ZC3H12B: variants seen among roughly 807,000 people sequenced by gnomAD.
ZC3H12B encodes the protein zinc finger CCCH-type containing 12B, also known as probable ribonuclease ZC3H12B.
ZC3H12B carries 7 observed loss-of-function variants against 43.9 expected under a neutral mutation model. The ratio of observed to expected loss-of-function variants is 0.16; its 90% CI spans 0.09 to 0.30. The LOEUF is 0.30. Ranked by LOEUF, ZC3H12B falls within the 10% of genes least tolerant of loss-of-function variation. The pLI, the probability that ZC3H12B is intolerant of heterozygous loss-of-function variation, is 1.00. For missense variants in ZC3H12B, 475 were observed against 670.2 expected, an observed-to-expected ratio of 0.71 and a Z score of 3.22; for synonymous variants, 222 against 241.7, an observed-to-expected ratio of 0.92 and a Z score of 0.76.
At chrX:65,140,573 T>A in the ZC3H12B span, among the ~76,000 whole-genome samples, 1 of 111,775 alleles carries the variant, frequency 8.9e-6, no homozygotes, top group African/African-American at 3.2e-5. Context: ...ATTCTTTTCT[T>A]CTGTCCACTG....
chrX:65,138,050 G>T, the ZC3H12B span, among the ~76,000 whole-genome samples: 1 of 111,684 alleles, frequency 9.0e-6, no homozygotes, highest in Non-Finnish European at 1.9e-5. Context: ...TGCTGGTCTT[G>T]AACTCCTGAC....
At chrX:65,304,693 A>G in the ZC3H12B span, among the ~76,000 whole-genome samples, 41 of 111,505 alleles carry the variant, frequency 3.7e-4, no homozygotes, top group Non-Finnish European at 2.5e-4. Context: ...CCCAGTCATT[A>G]ACCTAAATGT....
chrX:65,493,377 A>G (rs2068233250), intron 1 of ZC3H12B, among the ~76,000 whole-genome samples: 1 of 110,858 alleles, frequency 9.0e-6, no homozygotes, highest in Non-Finnish European at 1.9e-5. Flanking sequence ...AGTGAGACTC[A>G]GTCTGAAAAA....
At chrX:65,323,807 C>T in the ZC3H12B span, among the ~76,000 whole-genome samples, 4 of 112,130 alleles carry the variant, frequency 3.6e-5, no homozygotes, top group African/African-American at 1.3e-4. Flanking sequence ...TACACTCCCA[C>T]CAACAGTGTA....
chrX:65,252,317 G>A, the ZC3H12B span, among the ~76,000 whole-genome samples: 1 of 111,375 alleles, frequency 9.0e-6, no homozygotes, highest in Non-Finnish European at 1.9e-5. Context: ...GCTTTTTGAT[G>A]TGCTGCTGGA....
chrX:65,156,158 C>G, the ZC3H12B span, among the ~76,000 whole-genome samples: 2 of 110,824 alleles, frequency 1.8e-5, no homozygotes, highest in Non-Finnish European at 3.8e-5. Flanking sequence ...TGTACCTTTT[C>G]TTATTTTTAA....
At chrX:65,127,830 C>A in the ZC3H12B span, among the ~76,000 whole-genome samples, 3 of 110,862 alleles carry the variant, frequency 2.7e-5, no homozygotes, top group East Asian at 8.6e-4. Flanking sequence ...GGCCTCACCC[C>A]CCTCCCACAC....
chrX:65,358,747 G>A, the ZC3H12B span, among the ~76,000 whole-genome samples: 1 of 111,209 alleles, frequency 9.0e-6, no homozygotes, highest in Non-Finnish European at 1.9e-5. Flanking sequence ...ATCTAAAATC[G>A]ACACCCTAAC....
the ZC3H12B span, among the ~76,000 whole-genome samples, chrX:65,166,379 G>A: frequency 2.7e-5 from 3 of 111,290 alleles, no homozygotes; most frequent in South Asian, 7.6e-4. Context: ...TGAACTCATC[G>A]TTTTTTATGG....
At chrX:65,163,562 G>A in the ZC3H12B span, among the ~76,000 whole-genome samples, 2 of 111,582 alleles carry the variant, frequency 1.8e-5, no homozygotes, top group Non-Finnish European at 3.8e-5. Flanking sequence ...GTGGGCGTAG[G>A]ACCCTCTGAG....
the ZC3H12B span, among the ~76,000 whole-genome samples, chrX:65,054,176 C>A: frequency 2.7e-5 from 3 of 111,993 alleles, no homozygotes; most frequent in Non-Finnish European, 5.7e-5. Flanking sequence ...GACATGAAGT[C>A]CTTGCCCATG....
chrX:65,179,223 C>G, the ZC3H12B span, among the ~76,000 whole-genome samples: 2 of 107,454 alleles, frequency 1.9e-5, no homozygotes, highest in African/African-American at 6.8e-5. Context: ...CACATGGACA[C>G]AGGGAGGGGA....
the ZC3H12B span, among the ~76,000 whole-genome samples, chrX:65,159,243 C>T: frequency 4.3e-4 from 48 of 111,785 alleles, no homozygotes; most frequent in African/African-American, 1.5e-3. Flanking sequence ...TTAGCATTGA[C>T]TTGGCGATGC....
the ZC3H12B span, among the ~76,000 whole-genome samples, chrX:65,258,490 C>T: frequency 8.9e-6 from 1 of 111,846 alleles, no homozygotes. Context: ...TATAAGCATT[C>T]TCCTTGAAAA....
the ZC3H12B span, among the ~76,000 whole-genome samples, chrX:65,252,761 A>G: frequency 1.8e-5 from 2 of 112,112 alleles, no homozygotes; most frequent in Non-Finnish European, 3.8e-5. Flanking sequence ...TCAGTGATTT[A>G]AAGTACCCTG....
At chrX:65,407,719 C>G (rs959472310) in intron 3 of ZC3H12B, among the ~76,000 whole-genome samples, 1 of 113,648 alleles carries the variant, frequency 8.8e-6, no homozygotes, top group African/African-American at 3.2e-5. Context: ...GAGGGGAGTG[C>G]GGTCGGAGTC....
the ZC3H12B span, among the ~76,000 whole-genome samples, chrX:65,157,167 GAC>G: frequency 9.0e-6 from 1 of 110,553 alleles, no homozygotes; most frequent in Non-Finnish European, 1.9e-5. Flanking sequence ...TTTTTGTAGA[GAC>G]AGAGTTTTGC....
At chrX:65,334,216 C>T in the ZC3H12B span, among the ~76,000 whole-genome samples, 2 of 111,852 alleles carry the variant, frequency 1.8e-5, no homozygotes, top group African/African-American at 3.2e-5. Flanking sequence ...CAGGAAACCC[C>T]GTTGTGCTTT....
chrX:65,371,220 C>T lies in ZC3H12B; in HGVS notation n.295+2222C>T, dbSNP rs758187294. On this transcript the variant is annotated intron_variant and non_coding_transcript_variant, in intron 2 of 5. Transcript: ENST00000617377. ...CATTCACTTACATTAATAGCTTTATCGGAGGTAGAATTAGCATAATCCTTT... is the reference window on the plus strand; with the variant it reads ...CATTCACTTACATTAATAGCTTTATTGGAGGTAGAATTAGCATAATCCTTT... Among the ~76,000 whole-genome samples the T allele has an allele frequency of 1.4e-4, 16 of 111,865 alleles. No homozygotes were observed. In the East Asian group the frequency reaches 1.7e-3, roughly 12 times the overall value.
Sources: allele counts gnomAD v4.1 joint callset (sites outside exome capture counted in the v4.1 genomes callset), GRCh38; gene constraint gnomAD v4.1.1; transcripts MANE v1.5; gene names NCBI Gene and HGNC (gene_info 2026-07-23, HGNC 2026-07-21).